Variants in PCDH10 observed in about 807,000 individuals in gnomAD.
The protein encoded by PCDH10 is protocadherin 10.
Under a neutral mutation model 74.4 loss-of-function variants are expected in PCDH10, and 15 were observed. The ratio of observed to expected loss-of-function variants is 0.20; its 90% CI spans 0.13 to 0.31. The LOEUF is 0.31. Among genes scored for constraint, PCDH10 ranks in the 10% least tolerant of loss-of-function variants. PCDH10 has a pLI of 1.00. For missense variants in PCDH10, 1,260 were observed against 1,390.2 expected (o/e 0.91, Z 1.49); for synonymous variants, 619 against 589.8 (o/e 1.05, Z -0.72).
Position 133,150,855 on chromosome 4 carries a change from C to A in PCDH10, c.715C>A (p.Arg239=). ...CACCGGCACGGCCCTACTCACCATC[C>A]GAGTGCTGGACTCCAATGACAATGT... ...QRTGTALLTI[R]VLDSNDNVPA... The change falls in exon 1 of 5, where the codon CGA becomes AGA. Residue 239 remains arginine, a synonymous_variant. Coordinates refer to ENST00000264360, the MANE Select transcript of PCDH10 (RefSeq NM_032961.3). The A allele has an allele frequency of 6.2e-7, 1 of 1,605,184 alleles. No homozygotes were observed. Among genetic ancestry groups the A allele is most frequent in the Non-Finnish European group, 8.5e-7 (1 of 1,176,966 alleles).
intron 4 of PCDH10, among the ~76,000 whole-genome samples, chr4:133,175,046 C>CA (rs1272095811): frequency 1.3e-5 from 2 of 150,712 alleles, no homozygotes; most frequent in African/African-American, 4.9e-5. Flanking sequence ...TTTCATAATG[C>CA]TTATAAAAAG....
chr4:133,152,732 G>A lies in PCDH10; in HGVS notation c.2592G>A (p.Gln864=), dbSNP rs1385612511. 1.2e-6 allele frequency: 2 copies of A among 1,614,222 alleles called. No homozygotes were observed. The highest frequency in any genetic ancestry group is 2.2e-5 in the South Asian group (2 of 91,084). ...GAIVTGYTDQ[Q]PDIISNGSIL... Reference sequence around the variant, plus strand: ...TCGTCACCGGTTACACCGACCAGCAGCCTGATATCATCTCCAACGGAAGCA... The same window carrying A: ...TCGTCACCGGTTACACCGACCAGCAACCTGATATCATCTCCAACGGAAGCA... Residue 864 remains glutamine, a synonymous_variant, in exon 1 of 5, where the codon CAG becomes CAA. Transcript: ENST00000264360.
chr4:133,154,825 G>A (rs1429550596), intron 2 of PCDH10, 92 bp from the exon 3 acceptor site: 3 of 870,338 alleles, frequency 3.4e-6, no homozygotes, highest in African/African-American at 3.3e-5. Context: ...CTGTGAGTCT[G>A]CAGCACCATC....
chr4:133,154,995 T>C lies in PCDH10; in HGVS notation c.2769T>C (p.His923=). ...ACAGTGAACAGGGAGATAGTGATCATGATGCCACCAACCGTGCCCAGTCAG... is the reference window on the plus strand; with the variant it reads ...ACAGTGAACAGGGAGATAGTGATCACGATGCCACCAACCGTGCCCAGTCAG... ...HGDSEQGDSD[H]DATNRAQSAG... The change falls in exon 3 of 5, where the codon CAT becomes CAC. Residue 923 remains histidine (H), a synonymous_variant. Transcript: ENST00000264360. The C allele has an allele frequency of 6.2e-7, 1 of 1,612,932 alleles. No homozygotes were observed. The highest frequency in any genetic ancestry group is 8.5e-7 in the Non-Finnish European group (1 of 1,178,908).
downstream of PCDH10, among the ~76,000 whole-genome samples, chr4:133,195,909 T>G (rs920476347): frequency 5.3e-5 from 8 of 152,144 alleles, no homozygotes; most frequent in African/African-American, 1.9e-4. Flanking sequence ...TGAAAAGCAC[T>G]GCACCATATG....
intron 3 of PCDH10, among the ~76,000 whole-genome samples, chr4:133,157,243 CT>C (rs1486354941): frequency 2.0e-5 from 3 of 152,242 alleles, no homozygotes; most frequent in Non-Finnish European, 4.4e-5. Flanking sequence ...GATTTAATGT[CT>C]AATTTTATTG....
intron 2 of PCDH10, among the ~76,000 whole-genome samples, chr4:133,207,861 G>C (rs1350061136): frequency 1.3e-5 from 2 of 152,154 alleles, no homozygotes; most frequent in Non-Finnish European, 1.5e-5. Flanking sequence ...GACAGCCTCT[G>C]TGATGGCCCA....
At chr4:133,199,899 G>C (rs532172198) in intron 2 of PCDH10, among the ~76,000 whole-genome samples, 1 of 150,794 alleles carries the variant, frequency 6.6e-6, no homozygotes, top group Admixed American at 6.6e-5. Flanking sequence ...CCGAGTTCAC[G>C]CCATTCTGCT....
At chr4:133,196,192 T>C (rs1727790600), downstream of PCDH10, among the ~76,000 whole-genome samples, 1 of 152,154 alleles carries the variant, frequency 6.6e-6, no homozygotes. Flanking sequence ...TAGAGAAAGC[T>C]ATTCATGCAG....
At chr4:133,187,333 T>C (rs1444434249) in intron 4 of PCDH10, among the ~76,000 whole-genome samples, 1 of 152,098 alleles carries the variant, frequency 6.6e-6, no homozygotes, top group Non-Finnish European at 1.5e-5. Flanking sequence ...GAAGATAATT[T>C]AACATATTTA....
chr4:133,153,156 C>T, intron 1 of PCDH10: 1 of 1,164,156 alleles, frequency 8.6e-7, no homozygotes, highest in Non-Finnish European at 1.1e-6. Context: ...TTCTTTGCGT[C>T]TGTCCCAGGC....
intron 4 of PCDH10, among the ~76,000 whole-genome samples, chr4:133,169,915 G>C (rs1727169037): frequency 6.6e-6 from 1 of 151,942 alleles, no homozygotes; most frequent in African/African-American, 2.4e-5. Flanking sequence ...CGAACACTGA[G>C]ATTCACTGTT....
intron 4 of PCDH10, among the ~76,000 whole-genome samples, chr4:133,187,547 T>C (rs1366432675): frequency 6.6e-6 from 1 of 152,078 alleles, no homozygotes; most frequent in East Asian, 1.9e-4. Context: ...AGATCAGATC[T>C]AAGTTCAGAT....
chr4:133,165,065 C>CATAT (rs768229684), intron 4 of PCDH10, among the ~76,000 whole-genome samples: 82 of 146,848 alleles, frequency 5.6e-4, no homozygotes, highest in African/African-American at 1.8e-3. Context: ...TATATATACA[C>CATAT]ATATATATAT....
At chr4:133,188,489 A>G (rs1356538242) in intron 4 of PCDH10, among the ~76,000 whole-genome samples, 2 of 152,126 alleles carry the variant, frequency 1.3e-5, no homozygotes, top group Non-Finnish European at 2.9e-5. Flanking sequence ...CTGGAATATT[A>G]TGACCTGGTT....
chr4:133,164,130 G>A (rs17020439), intron 4 of PCDH10: 13,883 of 418,338 alleles, frequency 0.033, 921 homozygotes, highest in African/African-American at 0.19. Flanking sequence ...CCAGCATGAT[G>A]TACCACTTTA....
At chr4:133,175,507 A>G (rs1244266473) in intron 4 of PCDH10, among the ~76,000 whole-genome samples, 8 of 152,148 alleles carry the variant, frequency 5.3e-5, no homozygotes, top group African/African-American at 1.7e-4. Context: ...TGAACTCATT[A>G]CAGGCTGATA....
In PCDH10 at chr4:133,150,567, T is replaced by G. The variant is rs749897580; in HGVS notation, c.427T>G (p.Leu143Val). 4 of 1,613,384 alleles carry G rather than the reference T, an allele frequency of 2.5e-6. No homozygotes were observed. Among genetic ancestry groups the G allele is most frequent in the Non-Finnish European group, 3.4e-6 (4 of 1,179,872 alleles). Residue 143 changes from leucine to valine, a missense_variant, in exon 1 of 5, where the codon TTG becomes GTG. By Grantham distance (32) the Leu-to-Val change is conservative. Around this residue, in one of 11 missense-constraint regions of PCDH10, gnomAD observed 63 missense variants for 100.7 expected, o/e 0.63. Coordinates refer to ENST00000264360, the MANE Select transcript of PCDH10 (RefSeq NM_032961.3). ...CGCCACGCCAGGCACTCGCTTCCCC[T>G]TGGAGAGCGCATTCGACCCAGACGT... ...ESATPGTRFP[L>V]ESAFDPDVGT...
At chr4:133,198,268 A>G (rs1432872426), downstream of PCDH10, among the ~76,000 whole-genome samples, 3 of 152,128 alleles carry the variant, frequency 2.0e-5, no homozygotes, top group Non-Finnish European at 4.4e-5. Context: ...AAACAACACA[A>G]TGGTTGCAAC....
Sources: gnomAD v4.1 joint callset for allele counts (sites outside exome capture counted in the v4.1 genomes callset) on GRCh38, gnomAD v4.1.1 for gene constraint, gnomAD v4.1.1 regional missense constraint, MANE v1.5 for transcripts, NCBI Gene and HGNC (gene_info 2026-07-23, HGNC 2026-07-21) for gene names.